RABGAP1L: variants seen among roughly 807,000 people sequenced by gnomAD.
The protein encoded by RABGAP1L is RAB GTPase activating protein 1 like.
A neutral mutation model predicts 137.7 loss-of-function variants in RABGAP1L; 63 were observed. The observed-to-expected ratio is 0.46, with a 90% CI of 0.37 to 0.56. RABGAP1L has a LOEUF of 0.56. Ranked by LOEUF, RABGAP1L falls within the 20% of genes least tolerant of loss-of-function variation. RABGAP1L has a pLI of 0.00. For missense variants in RABGAP1L, 1,095 were observed against 1,244.0 expected (o/e 0.88, Z 1.80); for synonymous variants, 431 against 433.7 (o/e 0.99, Z 0.08).
At chr1:174,509,583 C>A (rs1346127408) in intron 13 of RABGAP1L, among the ~76,000 whole-genome samples, 1 of 152,002 alleles carries the variant, frequency 6.6e-6, no homozygotes, top group African/African-American at 2.4e-5. Context: ...CCCATTTTTT[C>A]CCCCTGTAAT....
intron 13 of RABGAP1L, among the ~76,000 whole-genome samples, chr1:174,417,322 T>C (rs1650718659): frequency 6.6e-6 from 1 of 152,216 alleles, no homozygotes; most frequent in Admixed American, 6.5e-5. Flanking sequence ...AAATCAGTTA[T>C]AGTTCAAGGT....
chr1:174,446,585 T>G (rs1003125843), intron 13 of RABGAP1L, among the ~76,000 whole-genome samples: 2 of 152,238 alleles, frequency 1.3e-5, no homozygotes, highest in African/African-American at 4.8e-5. Flanking sequence ...GATTCTATCC[T>G]GGCAGCCTTG....
intron 1 of RABGAP1L, among the ~76,000 whole-genome samples, chr1:174,198,033 T>C (rs1014827942): frequency 1.3e-5 from 2 of 152,168 alleles, no homozygotes; most frequent in African/African-American, 4.8e-5. Context: ...AATGCGCATA[T>C]TTAAAGTAGT....
chr1:174,537,740 T>G (rs1157281012), intron 13 of RABGAP1L, among the ~76,000 whole-genome samples: 1 of 152,198 alleles, frequency 6.6e-6, no homozygotes, highest in Non-Finnish European at 1.5e-5. Flanking sequence ...TTTGTGGTCA[T>G]TGTGGAAAAG....
At chr1:174,919,497 T>A (rs574315078) in intron 19 of RABGAP1L, among the ~76,000 whole-genome samples, 3 of 152,218 alleles carry the variant, frequency 2.0e-5, no homozygotes, top group Non-Finnish European at 2.9e-5. Flanking sequence ...ACTGGTGTTC[T>A]CCAAGGGAAA....
At chr1:174,917,558 C>G (rs1661065091) in intron 19 of RABGAP1L, among the ~76,000 whole-genome samples, 1 of 152,058 alleles carries the variant, frequency 6.6e-6, no homozygotes, top group Non-Finnish European at 1.5e-5. Flanking sequence ...TTTAATTTTC[C>G]AAACACAATC....
chr1:174,457,553 C>G (rs1275012283), intron 13 of RABGAP1L, among the ~76,000 whole-genome samples: 1 of 149,470 alleles, frequency 6.7e-6, no homozygotes, highest in Non-Finnish European at 1.5e-5. Context: ...CAGTGTCACC[C>G]AGGCAGTGGA....
chr1:174,543,146 C>T (rs1425594134), intron 13 of RABGAP1L, among the ~76,000 whole-genome samples: 4 of 152,040 alleles, frequency 2.6e-5, no homozygotes, highest in African/African-American at 9.7e-5. Flanking sequence ...TCCTGGATAT[C>T]CTTGTTAACT....
intron 19 of RABGAP1L, among the ~76,000 whole-genome samples, chr1:174,893,321 C>T (rs556560072): frequency 6.6e-6 from 1 of 152,264 alleles, no homozygotes; most frequent in Admixed American, 6.5e-5. Context: ...CTTAGCCTGG[C>T]TGTGCGTGGA....
In RABGAP1L at chr1:174,838,917, C is replaced by CAAAAAAAAAAAAAAAAAA. The variant is rs58265128; in HGVS notation, c.2340+26977_2340+26994dup. Among the ~76,000 whole-genome samples the CAAAAAAAAAAAAAAAAAA allele has an allele frequency of 1.3e-4, 3 of 22,454 alleles. 1 individual carries two copies. Among genetic ancestry groups the CAAAAAAAAAAAAAAAAAA allele is most frequent in the Non-Finnish European group, 7.9e-5 (1 of 12,676 alleles). 14.7% of individuals were successfully genotyped at this position (22,454 alleles called of 152,430 possible). ...TGGGCGACAAAGCGAGACTCCGTCT[C>CAAAAAAAAAAAAAAAAAA]AAAAAAAAAAAAAAAAAAAAAAAAA... On this transcript the variant is annotated intron_variant, in intron 19 of 25. Coordinates refer to ENST00000681986, the MANE Select transcript of RABGAP1L (RefSeq NM_001366446.1).
At chr1:174,394,719 T>G (rs1251014041) in intron 13 of RABGAP1L, among the ~76,000 whole-genome samples, 1 of 152,152 alleles carries the variant, frequency 6.6e-6, no homozygotes, top group African/African-American at 2.4e-5. Flanking sequence ...AATTACTTAA[T>G]CTACTCTAAG....
intron 19 of RABGAP1L, among the ~76,000 whole-genome samples, chr1:174,952,210 A>G (rs971974285): frequency 6.6e-6 from 1 of 151,672 alleles, no homozygotes; most frequent in African/African-American, 2.4e-5. Flanking sequence ...ATGTACAAAG[A>G]TCTTGTTTGG....
At chr1:174,516,128 C>G (rs1202765189) in intron 13 of RABGAP1L, among the ~76,000 whole-genome samples, 2 of 135,590 alleles carry the variant, frequency 1.5e-5, no homozygotes, top group Non-Finnish European at 3.3e-5. Flanking sequence ...TCTACACACA[C>G]ACACACACAC....
At chr1:174,250,368 C>T in intron 5 of RABGAP1L, 107 bp from the exon 6 acceptor site, 2 of 740,080 alleles carry the variant, frequency 2.7e-6, no homozygotes, top group South Asian at 3.1e-5. Flanking sequence ...TATATTCTGC[C>T]AAAGAAAATT....
intron 13 of RABGAP1L, among the ~76,000 whole-genome samples, chr1:174,396,492 A>T (rs1365553038): frequency 3.3e-5 from 5 of 152,010 alleles, no homozygotes; most frequent in African/African-American, 1.2e-4. Flanking sequence ...AAATATATAT[A>T]TGTTAGATAT....
chr1:174,298,481 A>C (rs911452393), intron 10 of RABGAP1L, among the ~76,000 whole-genome samples: 8 of 152,182 alleles, frequency 5.3e-5, no homozygotes, highest in African/African-American at 1.9e-4. Context: ...AGCCACACTC[A>C]CCTGCGCTGT....
At chr1:174,178,906 G>A (rs185412454) in intron 1 of RABGAP1L, among the ~76,000 whole-genome samples, 3 of 152,220 alleles carry the variant, frequency 2.0e-5, no homozygotes, top group East Asian at 3.9e-4. Context: ...CCTAGGTGAC[G>A]GGTTGATAGG....
chr1:174,315,692 C>G (rs1237004623), intron 11 of RABGAP1L, among the ~76,000 whole-genome samples: 2 of 149,864 alleles, frequency 1.3e-5, no homozygotes, highest in African/African-American at 4.9e-5. Flanking sequence ...TTATCCTTAG[C>G]CTTTGGGAGT....
At chr1:174,709,680 A>G (rs1045479273) in intron 17 of RABGAP1L, among the ~76,000 whole-genome samples, 1 of 152,236 alleles carries the variant, frequency 6.6e-6, no homozygotes, top group African/African-American at 2.4e-5. Flanking sequence ...AAGGTCACCA[A>G]CATCAAAGAC....
Sources: gnomAD v4.1 joint callset for allele counts (sites outside exome capture counted in the v4.1 genomes callset) on GRCh38, gnomAD v4.1.1 for gene constraint, MANE v1.5 for transcripts, NCBI Gene and HGNC (gene_info 2026-07-23, HGNC 2026-07-21) for gene names.